IRAG1: variants seen among roughly 807,000 people sequenced by gnomAD.
IRAG1 encodes the protein inositol 1,4,5-triphosphate receptor associated 1, also known as IP3R-associated cGMP kinase substrate.
In IRAG1, 62 loss-of-function variants were observed where a neutral mutation model predicts 106.2. The ratio of observed to expected loss-of-function variants is 0.58; its 90% CI spans 0.48 to 0.72. The LOEUF (loss-of-function observed/expected upper bound fraction) is 0.72. Ranked by LOEUF, IRAG1 falls within the 30% of genes least tolerant of loss-of-function variation. IRAG1 has a pLI of 0.00. For synonymous variants in IRAG1, 462 were observed against 443.9 expected, an observed-to-expected ratio of 1.04 and a Z score of -0.51; for missense variants, 1,064 against 1,140.7, an observed-to-expected ratio of 0.93 and a Z score of 0.97.
chr11:10,613,315 T>C (rs1417672765), intron 10 of IRAG1, among the ~76,000 whole-genome samples: 1 of 148,046 alleles, frequency 6.8e-6, no homozygotes, highest in East Asian at 2.0e-4. Flanking sequence ...GATTAAGAGG[T>C]GCTGGAAATC....
Position 10,582,001 on chromosome 11 carries a change from G to A in IRAG1, c.2241-15C>T, listed in dbSNP as rs372973207. ...TTGTCTTTCCACTAGTGAGAAGAGGGAAGTACAGGGCATCATTTCAGAAAA... is the reference window on the plus strand; with the variant it reads ...TTGTCTTTCCACTAGTGAGAAGAGGAAAGTACAGGGCATCATTTCAGAAAA... On this transcript the variant is annotated splice_polypyrimidine_tract_variant and intron_variant, in intron 18 of 20. Transcript: ENST00000423302. 118 of 1,606,544 alleles carry A rather than the reference G, an allele frequency of 7.3e-5. No homozygotes were observed. Among genetic ancestry groups the A allele is most frequent in the Non-Finnish European group, 9.3e-5 (109 of 1,176,926 alleles).
intron 1 of IRAG1, among the ~76,000 whole-genome samples, chr11:10,676,030 G>T (rs1860628525): frequency 6.6e-6 from 1 of 152,244 alleles, no homozygotes; most frequent in Admixed American, 6.5e-5. Context: ...ACTGCATGGG[G>T]TTCCTGATTT....
intron 15 of IRAG1, among the ~76,000 whole-genome samples, chr11:10,600,643 G>A (rs1030877684): frequency 7.2e-5 from 11 of 152,354 alleles, no homozygotes; most frequent in African/African-American, 2.4e-4. Context: ...AAGAGCTCTT[G>A]TAGCCCATGG....
chr11:10,588,053 G>A (rs965043644), intron 18 of IRAG1, among the ~76,000 whole-genome samples: 2 of 152,226 alleles, frequency 1.3e-5, no homozygotes, highest in Non-Finnish European at 2.9e-5. Context: ...GGCATACAGC[G>A]AGGTGCAGCA....
intron 18 of IRAG1, among the ~76,000 whole-genome samples, chr11:10,588,131 C>T (rs978598470): frequency 7.9e-5 from 12 of 152,190 alleles, no homozygotes; most frequent in African/African-American, 2.9e-4. Context: ...GTCATCAGTG[C>T]AGTAAATAGT....
At chr11:10,674,604 T>C (rs1447822237) in intron 1 of IRAG1, among the ~76,000 whole-genome samples, 2 of 152,110 alleles carry the variant, frequency 1.3e-5, no homozygotes, top group Non-Finnish European at 2.9e-5. Flanking sequence ...CAGAACACAT[T>C]TTGTTCCACC....
chr11:10,662,682 C>T (rs374208552), intron 1 of IRAG1, among the ~76,000 whole-genome samples: 7 of 152,358 alleles, frequency 4.6e-5, no homozygotes, highest in South Asian at 2.1e-4. Context: ...GTGTCTGCTG[C>T]TGTGGTACTC....
In IRAG1 at chr11:10,680,404, G is replaced by GGAAAGAAAGGAAAGAAAGGAAA. The variant is rs1554935660; in HGVS notation, c.67+13131_67+13132insTTTCCTTTCTTTCCTTTCTTTC. 6.1e-4 allele frequency among the ~76,000 whole-genome samples: 50 copies of GGAAAGAAAGGAAAGAAAGGAAA among 82,138 alleles called. 1 individual carries two copies. The highest frequency in any genetic ancestry group is 5.9e-3 in the Middle Eastern group (1 of 170). 53.9% of individuals were successfully genotyped at this position (82,138 alleles called of 152,430 possible). A position where few individuals can be genotyped will look rare whatever the true frequency, so the allele number is the denominator to read the frequency against. Reference sequence around the variant, plus strand: ...AGGAAGGAAGGAAGGAAGGAAGGAAGGAAAGAAAGGGAAAGAAAGAAAGAG... The same window carrying GGAAAGAAAGGAAAGAAAGGAAA: ...AGGAAGGAAGGAAGGAAGGAAGGAAGGAAAGAAAGGAAAGAAAGGAAAGAAAGAAAGGGAAAGAAAGAAAGAG... On this transcript the variant is annotated intron_variant, in intron 1 of 20. Coordinates refer to ENST00000423302, the MANE Select transcript of IRAG1 (RefSeq NM_130385.4).
intron 10 of IRAG1, among the ~76,000 whole-genome samples, chr11:10,620,030 G>T (rs1855713877): frequency 6.6e-6 from 1 of 152,158 alleles, no homozygotes; most frequent in South Asian, 2.1e-4. Flanking sequence ...GTATAATTTT[G>T]TAAGCTAATC....
chr11:10,580,610 G>A (rs757869521), intron 19 of IRAG1, 21 bp from the exon 20 acceptor site: 13 of 1,611,320 alleles, frequency 8.1e-6, no homozygotes, highest in South Asian at 1.1e-5. Context: ...AAAAGGAACA[G>A]TTGAGTCTGG....
intron 1 of IRAG1, chr11:10,687,885 GT>G: frequency 1.0e-6 from 1 of 1,000,260 alleles, no homozygotes; most frequent in Non-Finnish European, 1.3e-6. Context: ...TTGGGGGGGG[GT>G]GGTATTTAAC....
rs746188764 is a variant in IRAG1 at position 10,576,327 on chromosome 11, G to C, written c.*5C>G. 28 of 1,613,478 alleles carry C rather than the reference G, an allele frequency of 1.7e-5. No homozygotes were observed. The highest frequency in any genetic ancestry group is 2.3e-5 in the Non-Finnish European group (27 of 1,179,836). On this transcript the variant is annotated 3_prime_UTR_variant, in exon 21 of 21. Coordinates refer to ENST00000423302, the MANE Select transcript of IRAG1 (RefSeq NM_130385.4). ...GAGCAGGGCACTGGCTAGGTGTGAG[G>C]TTTCCTACTGCTCTGTAGGCTGCTC... is the stretch of plus-strand genomic sequence containing the variant.
intron 19 of IRAG1, 143 bp from the exon 20 acceptor site, chr11:10,580,732 A>G: frequency 1.0e-6 from 1 of 975,724 alleles, no homozygotes; most frequent in Non-Finnish European, 1.5e-6. Context: ...AAAGCTGGGA[A>G]GCTCCACTGA....
intron 3 of IRAG1, among the ~76,000 whole-genome samples, 188 bp from the exon 4 acceptor site, chr11:10,632,249 A>C (rs1448677384): frequency 1.4e-5 from 2 of 146,732 alleles, no homozygotes; most frequent in South Asian, 2.1e-4. Flanking sequence ...GCAGTGGCGC[A>C]ATCTCAGCTC....
chr11:10,684,297 G>A lies in IRAG1; in HGVS notation c.67+9239C>T, dbSNP rs1353991194. ...CAGCCTTAAAAAATGATGAGTTCAT[G>A]TCCTTTGTAGGGACATGGATGAAAC... is the stretch of plus-strand genomic sequence containing the variant. On this transcript the variant is annotated intron_variant, in intron 1 of 20. Transcript: ENST00000423302. Among the ~76,000 whole-genome samples the A allele has an allele frequency of 2.0e-5, 3 of 152,262 alleles. No individual in the cohort carries two copies. The East Asian group carries it at 5.8e-4, about 29-fold the overall frequency.
rs912180374 is a variant in IRAG1 at position 10,657,126 on chromosome 11, G to C, written c.68-4944C>G. ...CCAGAAAGTATAGAGCCATCATCGG[G>C]ACGCACGGTTCAGGAACAGAATTTA... On this transcript the variant is annotated intron_variant, in intron 1 of 20. Transcript: ENST00000423302. The surrounding 1 kb of genome is among the most constrained non-coding windows in gnomAD (Gnocchi z 4.1). 6.6e-6 allele frequency among the ~76,000 whole-genome samples: 1 copy of C among 152,288 alleles called. No homozygotes were observed. The highest frequency in any genetic ancestry group is 2.1e-4 in the South Asian group (1 of 4,834).
intron 13 of IRAG1, among the ~76,000 whole-genome samples, chr11:10,603,684 A>T (rs76076303): frequency 0.018 from 2,768 of 152,152 alleles, 85 homozygotes; most frequent in African/African-American, 0.064. Context: ...TTTTGGGGGG[A>T]CATATCCTAA....
intron 2 of IRAG1, among the ~76,000 whole-genome samples, chr11:10,641,860 G>A (rs1187673015): frequency 6.6e-6 from 1 of 152,124 alleles, no homozygotes; most frequent in Admixed American, 6.5e-5. Flanking sequence ...CCAGGGCTGT[G>A]CCGCTTGTAA....
At chr11:10,627,278 G>A (rs1856315556) in intron 8 of IRAG1, among the ~76,000 whole-genome samples, 1 of 152,136 alleles carries the variant, frequency 6.6e-6, no homozygotes, top group Non-Finnish European at 1.5e-5. Flanking sequence ...GAAACACTGA[G>A]CACGTGGGCC....
Sources: gnomAD v4.1 joint callset for allele counts (sites outside exome capture counted in the v4.1 genomes callset) on GRCh38, gnomAD v4.1.1 for gene constraint, Gnocchi (gnomAD v3.1) non-coding constraint, MANE v1.5 for transcripts, NCBI Gene and HGNC (gene_info 2026-07-23, HGNC 2026-07-21) for gene names.